Variants in SNAP23 observed in about 807,000 individuals in gnomAD.
SNAP23 encodes synaptosome associated protein 23.
In SNAP23, 11 loss-of-function variants were observed where a neutral mutation model predicts 29.0. That is an observed-to-expected ratio of 0.38 (90% CI 0.24 to 0.63). SNAP23 has a LOEUF of 0.63. Among genes scored for constraint, SNAP23 ranks in the 20% least tolerant of loss-of-function variants. The probability of loss-of-function intolerance (pLI) is 0.58; values close to 1 mark genes in which losing one functional copy is unlikely to be tolerated. For missense variants in SNAP23, 220 were observed against 253.9 expected (o/e 0.87, Z 0.91); for synonymous variants, 60 against 82.9 (o/e 0.72, Z 1.50).
At chr15:42,520,179 T>C (rs2141540074) in intron 5 of SNAP23, among the ~76,000 whole-genome samples, 1 of 150,410 alleles carries the variant, frequency 6.6e-6, no homozygotes, top group South Asian at 2.1e-4. Context: ...GCCTCCCGAG[T>C]AGCTGGGATT....
intron 4 of SNAP23, among the ~76,000 whole-genome samples, chr15:42,514,365 C>T (rs1248836448): frequency 6.6e-6 from 1 of 151,552 alleles, no homozygotes; most frequent in Non-Finnish European, 1.5e-5. Context: ...TGATGTCGAA[C>T]TCTTGACTTC....
intron 7 of SNAP23, 125 bp from the exon 8 acceptor site, chr15:42,531,288 T>C (rs944553327): frequency 1.8e-6 from 1 of 553,942 alleles, no homozygotes; most frequent in Non-Finnish European, 3.1e-6. Context: ...CCAACATGAG[T>C]TTTGTAATGT....
At chr15:42,504,448 G>A (rs1372616105) in intron 1 of SNAP23, among the ~76,000 whole-genome samples, 1 of 152,114 alleles carries the variant, frequency 6.6e-6, no homozygotes, top group East Asian at 1.9e-4. Context: ...TTCAAATTTA[G>A]CCTTGCAGAT....
chr15:42,521,229 A>T (rs2057446533), intron 5 of SNAP23, among the ~76,000 whole-genome samples: 1 of 152,194 alleles, frequency 6.6e-6, no homozygotes, highest in African/African-American at 2.4e-5. Context: ...AAGATTTTTT[A>T]AAATTACAAT....
upstream of SNAP23, chr15:42,491,168 C>CT (rs1362466708): frequency 6.6e-6 from 1 of 152,260 alleles, no homozygotes; most frequent in East Asian, 1.9e-4. Flanking sequence ...CTTTTTTTTC[C>CT]TTTGCCGTCC....
At chr15:42,521,260 A>G (rs553194703) in intron 5 of SNAP23, among the ~76,000 whole-genome samples, 3 of 152,348 alleles carry the variant, frequency 2.0e-5, no homozygotes, top group Admixed American at 2.0e-4. Flanking sequence ...ATAAGAAAAT[A>G]AAATACATAA....
intron 5 of SNAP23, among the ~76,000 whole-genome samples, chr15:42,527,322 A>G (rs1189501051): frequency 6.6e-6 from 1 of 152,096 alleles, no homozygotes; most frequent in African/African-American, 2.4e-5. Context: ...AATTTCATGG[A>G]AAATTCTAAT....
At position 42,511,823 on chromosome 15, in the gene SNAP23, T is replaced by C. The variant is rs774749400; in HGVS notation, c.-14-10T>C. The C allele has an allele frequency of 1.3e-6, 2 of 1,530,830 alleles. No homozygotes were observed. Among genetic ancestry groups the C allele is most frequent in the Non-Finnish European group, 1.8e-6 (2 of 1,123,204 alleles). 94.8% of individuals were successfully genotyped at this position (1,530,830 alleles called of 1,614,324 possible). ...TACAATATCCACATTTCCATTTCTG[T>C]GCCTAATAGAGTTTTGATTCATCAT... On this transcript the variant is annotated splice_polypyrimidine_tract_variant and intron_variant, in intron 1 of 7. Coordinates refer to ENST00000249647, the MANE Select transcript of SNAP23 (RefSeq NM_003825.4).
intron 1 of SNAP23, among the ~76,000 whole-genome samples, chr15:42,504,234 C>T (rs533089457): frequency 2.6e-5 from 4 of 151,724 alleles, no homozygotes; most frequent in Non-Finnish European, 5.9e-5. Flanking sequence ...CCCAGCTACT[C>T]GGGAGACTGG....
intron 1 of SNAP23, among the ~76,000 whole-genome samples, chr15:42,498,138 G>T (rs1018753047): frequency 6.6e-6 from 1 of 152,200 alleles, no homozygotes; most frequent in Non-Finnish European, 1.5e-5. Flanking sequence ...CAAGCTGTTT[G>T]TAGACCTGCC....
chr15:42,513,161 T>C (rs1175678377), intron 3 of SNAP23, 165 bp downstream of exon 3: 5 of 761,090 alleles, frequency 6.6e-6, no homozygotes, highest in Admixed American at 6.0e-5. Flanking sequence ...TTTTCTGTTT[T>C]TCCCTTTAAC....
intron 1 of SNAP23, chr15:42,496,020 CT>C (rs1488996102): frequency 1.3e-5 from 2 of 152,236 alleles, no homozygotes; most frequent in Non-Finnish European, 2.9e-5. Flanking sequence ...CATTAATAGA[CT>C]GCCTGTATGG....
At position 42,531,550 on chromosome 15, in the gene SNAP23, G is replaced by A. The variant is rs752509743; in HGVS notation, c.*72G>A. ...CCTTGAAAGTTATTACCTTTTCAGA[G>A]TTTAAGTTTTCGGTTCCACGCTCTT... On this transcript the variant is annotated 3_prime_UTR_variant, in exon 8 of 8. Transcript: ENST00000249647. The A allele has an allele frequency of 3.2e-6, 4 of 1,255,334 alleles. No homozygotes were observed. The African/African-American group carries it at 6.0e-5, about 19-fold the overall frequency. 77.8% of individuals were successfully genotyped at this position (1,255,334 alleles called of 1,614,324 possible).
intron 1 of SNAP23, among the ~76,000 whole-genome samples, chr15:42,508,980 T>A (rs1343273802): frequency 6.6e-6 from 1 of 152,124 alleles, no homozygotes; most frequent in Non-Finnish European, 1.5e-5. Context: ...ATGACAGGAA[T>A]AGATAACTTC....
chr15:42,522,528 T>C (rs1187645323), intron 5 of SNAP23, among the ~76,000 whole-genome samples: 1 of 152,070 alleles, frequency 6.6e-6, no homozygotes, highest in Non-Finnish European at 1.5e-5. Flanking sequence ...CTTTGTTTCC[T>C]GCCCTCCTTT....
At chr15:42,518,160 T>TTACA (rs112867866) in intron 5 of SNAP23, among the ~76,000 whole-genome samples, 49 of 152,336 alleles carry the variant, frequency 3.2e-4, no homozygotes, top group Admixed American at 1.0e-3. Flanking sequence ...TATTTCTTTC[T>TTACA]TACACCATTG....
rs182822770 is a variant in SNAP23, at chr15:42,500,476, C to T, written c.-15+4763C>T. 2.7e-3 allele frequency among the ~76,000 whole-genome samples: 400 copies of T among 149,772 alleles called. 3 individuals carry two copies. The highest frequency in any genetic ancestry group is 4.8e-3 in the Non-Finnish European group (321 of 67,408). ...TGATCTCGGCTCACCGCAACCTCTG[C>T]CTCCTGGGTTCAAGTGATTCTCCTG... On this transcript the variant is annotated intron_variant, in intron 1 of 7. Coordinates refer to ENST00000249647, the MANE Select transcript of SNAP23 (RefSeq NM_003825.4).
At chr15:42,491,570 G>T (rs911225485), upstream of SNAP23, 1 of 152,108 alleles carries the variant, frequency 6.6e-6, no homozygotes, top group African/African-American at 2.4e-5. Flanking sequence ...TGTGACTTTG[G>T]GTAAATTACA....
At chr15:42,531,302 T>G in intron 7 of SNAP23, 111 bp from the exon 8 acceptor site, 1 of 617,364 alleles carries the variant, frequency 1.6e-6, no homozygotes, top group East Asian at 2.9e-5. Context: ...GTAATGTAAC[T>G]TCACGTGGTT....
Sources: allele counts gnomAD v4.1 joint callset (sites outside exome capture counted in the v4.1 genomes callset), GRCh38; gene constraint gnomAD v4.1.1; transcripts MANE v1.5; gene names NCBI Gene and HGNC (gene_info 2026-07-23, HGNC 2026-07-21).